Variants in KLF12 observed in about 807,000 individuals in gnomAD.
KLF12 encodes Krueppel-like factor 12.
In KLF12, 9 loss-of-function variants were observed where a neutral mutation model predicts 37.8. The observed-to-expected ratio is 0.24, with a 90% CI of 0.14 to 0.42. The LOEUF (loss-of-function observed/expected upper bound fraction) is 0.42, where lower values mean the gene tolerates loss of function less well. Ranked by LOEUF, KLF12 falls within the 10% of genes least tolerant of loss-of-function variation. The pLI, the probability that KLF12 is intolerant of heterozygous loss-of-function variation, is 1.00. For synonymous variants in KLF12, 208 were observed against 202.1 expected, an observed-to-expected ratio of 1.03 and a Z score of -0.25; for missense variants, 411 against 516.0, an observed-to-expected ratio of 0.80 and a Z score of 1.97.
At chr13:73,999,055 T>A (rs944978961) in intron 1 of KLF12, among the ~76,000 whole-genome samples, 1 of 152,012 alleles carries the variant, frequency 6.6e-6, no homozygotes, top group African/African-American at 2.4e-5. Flanking sequence ...AAACTAGAGT[T>A]TTTTAACACA....
At chr13:74,138,042 C>T (rs1197353274), upstream of KLF12, among the ~76,000 whole-genome samples, 1 of 152,228 alleles carries the variant, frequency 6.6e-6, no homozygotes, top group Non-Finnish European at 1.5e-5. Flanking sequence ...AGGCGGGAGC[C>T]ACCGCGCCCG....
rs1423149531 is a variant in KLF12, at chr13:73,787,083, T to C, written c.807-22083A>G. Among the ~76,000 whole-genome samples, 4 of 152,258 alleles carry C rather than the reference T, an allele frequency of 2.6e-5. No individual in the cohort carries two copies. The East Asian group carries it at 5.8e-4, about 22-fold the overall frequency. On this transcript the variant is annotated intron_variant, in intron 5 of 7. Transcript: ENST00000377669. ...TGTTAGAGTACATGTTTTTCACTTA[T>C]AGCTTTGTTTTCTTGATCATTTCTT...
intron 5 of KLF12, among the ~76,000 whole-genome samples, chr13:73,803,717 C>A (rs979081485): frequency 6.6e-6 from 1 of 151,554 alleles, no homozygotes; most frequent in Non-Finnish European, 1.5e-5. Context: ...TCTGGAGACA[C>A]AAAGAAGGCT....
At chr13:74,179,326 G>T in the KLF12 span, among the ~76,000 whole-genome samples, 5 of 152,196 alleles carry the variant, frequency 3.3e-5, no homozygotes, top group Admixed American at 2.0e-4. Context: ...TAATGTGTAT[G>T]TTCAATATGA....
chr13:74,159,313 T>C, the KLF12 span, among the ~76,000 whole-genome samples: 38 of 152,306 alleles, frequency 2.5e-4, no homozygotes, highest in African/African-American at 9.1e-4. Context: ...GGGTGTTTTT[T>C]CAAAAAATAT....
chr13:73,711,262 T>C (rs1422881822), intron 7 of KLF12, among the ~76,000 whole-genome samples: 1 of 152,190 alleles, frequency 6.6e-6, no homozygotes. Context: ...ATCCAGAAGA[T>C]CTAGCTAAGA....
At chr13:73,705,024 A>G (rs1874832002) in intron 7 of KLF12, among the ~76,000 whole-genome samples, 2 of 152,244 alleles carry the variant, frequency 1.3e-5, no homozygotes, top group African/African-American at 4.8e-5. Flanking sequence ...CTAATGAATT[A>G]GAATACATAC....
At chr13:74,016,215 T>G (rs938560362) in intron 1 of KLF12, among the ~76,000 whole-genome samples, 3 of 151,980 alleles carry the variant, frequency 2.0e-5, no homozygotes, top group Admixed American at 2.0e-4. Flanking sequence ...AAATGGCCAT[T>G]TACATGCGAA....
In KLF12 at chr13:73,869,654, TA is replaced by T. The variant is rs1249811520; in HGVS notation, c.124-23282del. Among the ~76,000 whole-genome samples the T allele has an allele frequency of 8.6e-5, 13 of 152,036 alleles. No individual in the cohort carries two copies. In the South Asian group the frequency reaches 2.3e-3, roughly 27 times the overall value. The stretch of plus-strand genomic sequence containing the variant: ...CTATAACAGTTATATGCTGAGTATA[TA>T]TAATATACTCAGCATATAACATAGT... On this transcript the variant is annotated intron_variant, in intron 3 of 7. Coordinates refer to ENST00000377669, the MANE Select transcript of KLF12 (RefSeq NM_007249.5).
At chr13:74,023,407 C>T (rs114357218) in intron 1 of KLF12, among the ~76,000 whole-genome samples, 2,154 of 152,254 alleles carry the variant, frequency 0.014, 39 homozygotes, top group African/African-American at 0.049. Context: ...TAGCACATGC[C>T]AGGTGGCTTT....
intron 1 of KLF12, among the ~76,000 whole-genome samples, chr13:74,119,334 A>G (rs1197253451): frequency 2.2e-5 from 1 of 44,818 alleles, no homozygotes; most frequent in Admixed American, 4.2e-4. Flanking sequence ...TCTTATCGCA[A>G]AAAAAAAAAA....
chr13:73,987,796 G>C (rs1891864797), intron 2 of KLF12, among the ~76,000 whole-genome samples: 1 of 131,170 alleles, frequency 7.6e-6, no homozygotes, highest in Non-Finnish European at 1.6e-5. Flanking sequence ...AGTGGGAGAG[G>C]AGAGAGAAAG....
At position 73,689,584 on chromosome 13, in the gene KLF12, C is replaced by T. The variant is rs1873700247; in HGVS notation, c.*5906G>A. ...AAAAACCTGTGAGCTTCTGAATGTGCATCTGGTAATTTTTAGGACTAACTG... is the reference window on the plus strand; with the variant it reads ...AAAAACCTGTGAGCTTCTGAATGTGTATCTGGTAATTTTTAGGACTAACTG... On this transcript the variant is annotated 3_prime_UTR_variant, in exon 8 of 8. Transcript: ENST00000377669. 6.6e-6 allele frequency: 1 copy of T among 152,244 alleles called. No homozygotes were observed. The highest frequency in any genetic ancestry group is 2.4e-5 in the African/African-American group (1 of 41,538). 9.4% of individuals were successfully genotyped at this position (152,244 alleles called of 1,614,324 possible). A position where few individuals can be genotyped will look rare whatever the true frequency, so the allele number is the denominator to read the frequency against.
At chr13:74,260,703 C>A in the KLF12 span, among the ~76,000 whole-genome samples, 1 of 150,970 alleles carries the variant, frequency 6.6e-6, no homozygotes, top group East Asian at 1.9e-4. Context: ...AAAAATAGGT[C>A]CTGTGATTTG....
chr13:73,906,950 T>G (rs1888330887), intron 3 of KLF12, among the ~76,000 whole-genome samples: 1 of 152,194 alleles, frequency 6.6e-6, no homozygotes, highest in Non-Finnish European at 1.5e-5. Flanking sequence ...ATAGTGATGT[T>G]TATATACATT....
In KLF12 at chr13:73,853,737, T is replaced by TAA. The variant is rs10715902; in HGVS notation, c.124-7366_124-7365dup. ...CTGGTCGACAGAGTGAGACCCTGTC[T>TAA]AAAAAAAAAAAAAAAATGGTAAGCA... On this transcript the variant is annotated intron_variant, in intron 3 of 7. Transcript: ENST00000377669. Among the ~76,000 whole-genome samples, 3 of 139,654 alleles carry TAA rather than the reference T, an allele frequency of 2.1e-5. No individual in the cohort carries two copies. In the South Asian group the frequency reaches 6.8e-4, roughly 32 times the overall value. 91.6% of individuals were successfully genotyped at this position (139,654 alleles called of 152,430 possible). A position where few individuals can be genotyped will look rare whatever the true frequency, so the allele number is the denominator to read the frequency against.
intron 1 of KLF12, among the ~76,000 whole-genome samples, chr13:73,995,423 A>G (rs982493793): frequency 3.9e-5 from 6 of 152,228 alleles, no homozygotes; most frequent in Non-Finnish European, 5.9e-5. Flanking sequence ...AATTTCCTGT[A>G]TAAAAGAGAA....
intron 3 of KLF12, among the ~76,000 whole-genome samples, chr13:73,937,941 T>A (rs1157729243): frequency 6.6e-6 from 1 of 152,148 alleles, no homozygotes; most frequent in Non-Finnish European, 1.5e-5. Context: ...ACATTAGCCA[T>A]AACACAGCAA....
At chr13:74,242,954 TTTTAC>T in the KLF12 span, among the ~76,000 whole-genome samples, 2 of 152,172 alleles carry the variant, frequency 1.3e-5, no homozygotes, top group African/African-American at 2.4e-5. Flanking sequence ...TTTTCTTTTC[TTTTAC>T]TTTAAGTTCT....
Sources: gnomAD v4.1 joint callset for allele counts (sites outside exome capture counted in the v4.1 genomes callset) on GRCh38, gnomAD v4.1.1 for gene constraint, MANE v1.5 for transcripts, NCBI Gene and HGNC (gene_info 2026-07-23, HGNC 2026-07-21) for gene names.